Variants in RGL1 observed in about 807,000 individuals in gnomAD.
The protein encoded by RGL1 is ral guanine nucleotide dissociation stimulator-like 1.
In RGL1, 24 loss-of-function variants were observed where a neutral mutation model predicts 95.2. That is an observed-to-expected ratio of 0.25 (90% CI 0.18 to 0.35). The LOEUF (loss-of-function observed/expected upper bound fraction) is 0.35, where lower values mean the gene tolerates loss of function less well. RGL1 is among the 10% of genes least tolerant of loss of function. The pLI, the probability that RGL1 is intolerant of heterozygous loss-of-function variation, is 1.00. For missense variants in RGL1, 715 were observed against 936.3 expected (o/e 0.76, Z 3.08); for synonymous variants, 329 against 344.9 (o/e 0.95, Z 0.51).
chr1:183,892,270 TA>T, intron 9 of RGL1, 109 bp downstream of exon 9: 1 of 785,034 alleles, frequency 1.3e-6, no homozygotes, highest in South Asian at 2.4e-5. Flanking sequence ...AAAGAAAGCC[TA>T]AAGTAACTAG....
intron 2 of RGL1, among the ~76,000 whole-genome samples, chr1:183,775,255 T>G (rs1572397310): frequency 6.6e-6 from 1 of 152,320 alleles, no homozygotes; most frequent in Non-Finnish European, 1.5e-5. Context: ...CTAATGCTAT[T>G]TCTTCTATAT....
At chr1:183,913,724 T>C (rs1668798973) in intron 15 of RGL1, among the ~76,000 whole-genome samples, 1 of 152,204 alleles carries the variant, frequency 6.6e-6, no homozygotes, top group Admixed American at 6.5e-5. Flanking sequence ...GGGACATGTG[T>C]GTTGCTTCAC....
intron 2 of RGL1, among the ~76,000 whole-genome samples, chr1:183,810,859 C>T (rs1661662081): frequency 6.6e-6 from 1 of 152,186 alleles, no homozygotes; most frequent in African/African-American, 2.4e-5. Flanking sequence ...TCTGTGTGCT[C>T]CAGAGGCATT....
intron 2 of RGL1, among the ~76,000 whole-genome samples, chr1:183,828,630 C>T (rs1263121441): frequency 1.3e-5 from 2 of 152,110 alleles, no homozygotes; most frequent in Non-Finnish European, 2.9e-5. Context: ...CCTCAGTGTC[C>T]TCATCTATAA....
At chr1:183,901,525 A>G (rs931136947) in intron 11 of RGL1, among the ~76,000 whole-genome samples, 3 of 152,040 alleles carry the variant, frequency 2.0e-5, no homozygotes, top group Non-Finnish European at 4.4e-5. Flanking sequence ...AAACAAACAA[A>G]AAACCCCACA....
chr1:183,915,979 AGC>A (rs780960091), intron 15 of RGL1, among the ~76,000 whole-genome samples: 83 of 152,218 alleles, frequency 5.5e-4, no homozygotes, highest in Non-Finnish European at 7.6e-4. Context: ...TTCAATGCAG[AGC>A]CGTATAATCT....
chr1:183,670,976 C>T (rs1029659570), intron 1 of RGL1, among the ~76,000 whole-genome samples: 6 of 152,196 alleles, frequency 3.9e-5, no homozygotes, highest in Admixed American at 1.3e-4. Flanking sequence ...TTAATTGACT[C>T]TCAGTTCTGC....
intron 2 of RGL1, among the ~76,000 whole-genome samples, chr1:183,774,176 A>G (rs1659460997): frequency 6.6e-6 from 1 of 152,268 alleles, no homozygotes; most frequent in Non-Finnish European, 1.5e-5. Flanking sequence ...TTCTGAAGGG[A>G]TGCAGGGACC....
At chr1:183,922,111 T>A (rs1162094631) in intron 16 of RGL1, 111 bp from the exon 17 acceptor site, 1 of 847,892 alleles carries the variant, frequency 1.2e-6, no homozygotes, top group East Asian at 2.7e-5. Context: ...ACGAGTCCGT[T>A]CTTTCTGGAA....
At chr1:183,800,938 A>G (rs1660951425), upstream of RGL1, among the ~76,000 whole-genome samples, 2 of 152,290 alleles carry the variant, frequency 1.3e-5, no homozygotes, top group Admixed American at 6.5e-5. Flanking sequence ...TAATGCTGCA[A>G]TGAACATGGA....
At chr1:183,915,214 A>G (rs1030863057) in intron 15 of RGL1, among the ~76,000 whole-genome samples, 8 of 152,220 alleles carry the variant, frequency 5.3e-5, no homozygotes. Context: ...CTCAACTTCT[A>G]TACTGTTTCC....
In RGL1 at chr1:183,884,858, G is replaced by T. The variant is rs1284594840; in HGVS notation, c.871G>T (p.Val291Phe). Residue 291 changes from valine (V) to phenylalanine (F), a missense_variant, in exon 7 of 18, where the codon GTC (valine) becomes TTC (phenylalanine). Physicochemically the swap from Val to Phe is conservative, Grantham distance 50 (BLOSUM62 -1). Transcript: ENST00000360851. ...GTTTAATACCCTCACCAAATGTGTT[G>T]TCAGCACCATCCTGGGGGGCAAAGA... ...SQFNTLTKCVVSTILGGKELK... is the reference protein window; with the variant it reads ...SQFNTLTKCVFSTILGGKELK... The T allele has an allele frequency of 6.2e-7, 1 of 1,614,084 alleles. No homozygotes were observed. Among genetic ancestry groups the T allele is most frequent in the Non-Finnish European group, 8.5e-7 (1 of 1,179,966 alleles).
In RGL1 at chr1:183,683,923, A is replaced by G. The variant is rs1360906187; in HGVS notation, c.-33+47422A>G. 1.5e-4 allele frequency among the ~76,000 whole-genome samples: 22 copies of G among 150,778 alleles called. 1 individual carries two copies. Among genetic ancestry groups the G allele is most frequent in the Admixed American group, 1.5e-3 (22 of 15,130 alleles). On this transcript the variant is annotated intron_variant, in intron 1 of 18. Transcript: ENST00000304685. ...ACTTTATTTCATTAAGTTGATCTTC[A>G]CTCTCTGATATCCTTTCTTCCGCTT...
chr1:183,746,631 T>A (rs1657649391), intron 2 of RGL1, among the ~76,000 whole-genome samples: 1 of 151,390 alleles, frequency 6.6e-6, no homozygotes, highest in Non-Finnish European at 1.5e-5. Context: ...TATTTTTTTT[T>A]TTTTTTTAGT....
chr1:183,668,285 T>C (rs932503891), intron 1 of RGL1, among the ~76,000 whole-genome samples: 26 of 152,288 alleles, frequency 1.7e-4, no homozygotes, highest in East Asian at 1.4e-3. Context: ...GAAGTATTTC[T>C]CTTTCACTTC....
At chr1:183,894,347 A>G (rs1342911876) in intron 9 of RGL1, among the ~76,000 whole-genome samples, 1 of 152,142 alleles carries the variant, frequency 6.6e-6, no homozygotes, top group South Asian at 2.1e-4. Flanking sequence ...TGCAGAAGTT[A>G]CCCCCCGTAC....
At chr1:183,873,831 G>T (rs1250637255) in intron 4 of RGL1, among the ~76,000 whole-genome samples, 1 of 152,196 alleles carries the variant, frequency 6.6e-6, no homozygotes, top group Non-Finnish European at 1.5e-5. Flanking sequence ...CCTGGGGAAG[G>T]AGATGGGTTG....
chr1:183,676,695 A>G (rs1167402790), intron 1 of RGL1, among the ~76,000 whole-genome samples: 1 of 143,430 alleles, frequency 7.0e-6, no homozygotes, highest in Admixed American at 6.7e-5. Flanking sequence ...CTCCAGAGCC[A>G]GAGGCCCCTG....
At chr1:183,895,372 C>A (rs1404095359) in intron 9 of RGL1, among the ~76,000 whole-genome samples, 5 of 151,896 alleles carry the variant, frequency 3.3e-5, no homozygotes, top group African/African-American at 1.2e-4. Flanking sequence ...GAGACTTAAG[C>A]AAGCCATTTG....
Sources: allele counts gnomAD v4.1 joint callset (sites outside exome capture counted in the v4.1 genomes callset), GRCh38; gene constraint gnomAD v4.1.1; transcripts MANE v1.5; gene names NCBI Gene and HGNC (gene_info 2026-07-23, HGNC 2026-07-21).